The following RERE variants were observed in gnomAD, a reference collection of about 807,000 sequenced individuals.
RERE encodes the protein arginine-glutamic acid dipeptide repeats.
In RERE, 40 loss-of-function variants were observed where a neutral mutation model predicts 146.1. That is an observed-to-expected ratio of 0.27 (90% CI 0.21 to 0.36). RERE has a LOEUF of 0.36. RERE is among the 10% of genes least tolerant of loss of function. The probability of loss-of-function intolerance (pLI) is 1.00; values close to 1 mark genes in which losing one functional copy is unlikely to be tolerated. For synonymous variants in RERE, 1,003 were observed against 866.0 expected, an observed-to-expected ratio of 1.16 and a Z score of -2.78; for missense variants, 1,933 against 2,138.7, an observed-to-expected ratio of 0.90 and a Z score of 1.90.
chr1:8,669,968 A>G (rs1182990413), intron 1 of RERE, among the ~76,000 whole-genome samples: 2 of 152,230 alleles, frequency 1.3e-5, no homozygotes, highest in East Asian at 3.8e-4. Flanking sequence ...ATTATATCAA[A>G]GGAAAAATGG....
At chr1:8,424,274 ACCGCGGAAGCTT>A (rs1329323311) in intron 11 of RERE, 1 of 151,964 alleles carries the variant, frequency 6.6e-6, no homozygotes. Context: ...CAACTAAATC[ACCGCGGAAGCTT>A]CCCAGCCAAT....
chr1:8,418,909 T>TCTCCACTGTC (rs1451782508), intron 12 of RERE, among the ~76,000 whole-genome samples: 1 of 152,096 alleles, frequency 6.6e-6, no homozygotes, highest in Non-Finnish European at 1.5e-5. Flanking sequence ...GAGGCCTAGT[T>TCTCCACTGTC]CTCCACTGTC....
intron 1 of RERE, among the ~76,000 whole-genome samples, chr1:8,707,790 G>A (rs984519797): frequency 3.9e-5 from 6 of 152,170 alleles, no homozygotes; most frequent in Admixed American, 3.3e-4. Flanking sequence ...ATGCTAGGGT[G>A]GAGAGGATTT....
intron 4 of RERE, among the ~76,000 whole-genome samples, chr1:8,601,760 CACACACACACACACACAA>C (rs1236333010): frequency 1.3e-5 from 2 of 151,288 alleles, no homozygotes; most frequent in Non-Finnish European, 2.9e-5. Context: ...CACACACACA[CACACACACACACACACAA>C]ACACACACAC....
intron 11 of RERE, among the ~76,000 whole-genome samples, chr1:8,446,500 C>T (rs1158401016): frequency 6.6e-6 from 1 of 152,100 alleles, no homozygotes; most frequent in Non-Finnish European, 1.5e-5. Flanking sequence ...GTGGTGGTCT[C>T]TGTATTTCCT....
intron 10 of RERE, among the ~76,000 whole-genome samples, chr1:8,494,314 G>A (rs529005596): frequency 4.6e-5 from 7 of 152,218 alleles, no homozygotes; most frequent in Non-Finnish European, 7.4e-5. Context: ...TAAATACATG[G>A]TCTCAGAAAC....
At position 8,514,165 on chromosome 1, in the gene RERE, C is replaced by T. The variant is rs145615647; in HGVS notation, c.831-5490G>A. Among the ~76,000 whole-genome samples the T allele has an allele frequency of 4.4e-3, 665 of 152,344 alleles. 2 individuals carry two copies. The highest frequency in any genetic ancestry group is 6.5e-3 in the Non-Finnish European group (445 of 68,038). ...TTTTACTTGAAAGTTCAAATCTTAGCCTTGTCAAATAGTATCAGTGTTTTC... is the reference window on the plus strand; with the variant it reads ...TTTTACTTGAAAGTTCAAATCTTAGTCTTGTCAAATAGTATCAGTGTTTTC... On this transcript the variant is annotated intron_variant, in intron 7 of 22. Coordinates refer to ENST00000400908, the MANE Select transcript of RERE (RefSeq NM_001042681.2).
At chr1:8,649,958 T>A (rs1318419743) in intron 2 of RERE, among the ~76,000 whole-genome samples, 4 of 151,920 alleles carry the variant, frequency 2.6e-5, no homozygotes, top group African/African-American at 9.7e-5. Flanking sequence ...TTGACTAACC[T>A]GGGAGAAAGG....
At chr1:8,614,129 T>C (rs867198297) in intron 4 of RERE, among the ~76,000 whole-genome samples, 7 of 152,170 alleles carry the variant, frequency 4.6e-5, no homozygotes, top group African/African-American at 1.7e-4. Context: ...TTCTGAGCAA[T>C]ACCCTACAAA....
intron 6 of RERE, among the ~76,000 whole-genome samples, chr1:8,552,529 G>A (rs1645948531): frequency 6.6e-6 from 1 of 151,710 alleles, no homozygotes; most frequent in Non-Finnish European, 1.5e-5. Flanking sequence ...ATTTTTAGTA[G>A]TACTGGTTTA....
chr1:8,506,128 A>G (rs892836510), intron 8 of RERE, among the ~76,000 whole-genome samples: 1 of 152,198 alleles, frequency 6.6e-6, no homozygotes, highest in African/African-American at 2.4e-5. Flanking sequence ...ACACAGTGAG[A>G]GGGAAAAAAT....
chr1:8,545,831 G>A (rs1011997739), intron 6 of RERE, among the ~76,000 whole-genome samples: 23 of 150,374 alleles, frequency 1.5e-4, no homozygotes, highest in Middle Eastern at 3.4e-3. Flanking sequence ...TTACAGACGC[G>A]TGCCACCACA....
At chr1:8,697,086 G>C (rs1639348624) in intron 1 of RERE, among the ~76,000 whole-genome samples, 1 of 152,084 alleles carries the variant, frequency 6.6e-6, no homozygotes. Flanking sequence ...AACATATTGA[G>C]AAAGGTGAAT....
At chr1:8,635,966 TC>T (rs1477265600) in intron 2 of RERE, among the ~76,000 whole-genome samples, 52 of 147,470 alleles carry the variant, frequency 3.5e-4, no homozygotes, top group African/African-American at 1.2e-3. Context: ...TCTTATCTTA[TC>T]TTATCTTATC....
chr1:8,421,710 C>G (rs1259223838), intron 12 of RERE, among the ~76,000 whole-genome samples: 1 of 152,076 alleles, frequency 6.6e-6, no homozygotes, highest in Non-Finnish European at 1.5e-5. Context: ...TAAACAACAT[C>G]CAATTAAAAA....
chr1:8,621,582 C>A (rs1283521141), intron 3 of RERE, among the ~76,000 whole-genome samples: 1 of 152,140 alleles, frequency 6.6e-6, no homozygotes, highest in Non-Finnish European at 1.5e-5. Context: ...ATAGTATAAA[C>A]AATGAAACAC....
Position 8,453,808 on chromosome 1 carries a change from C to CG in RERE, c.1203+12116_1203+12117insC, listed in dbSNP as rs533403757. On this transcript the variant is annotated intron_variant, in intron 11 of 22. Coordinates refer to ENST00000400908, the MANE Select transcript of RERE (RefSeq NM_001042681.2). Reference sequence around the variant, plus strand: ...TGGGCAACAGAGCAAGACTCTGTCTCAAAAAAAAATTTTTTTTTAATTCAT... The same window carrying CG: ...TGGGCAACAGAGCAAGACTCTGTCTCGAAAAAAAAATTTTTTTTTAATTCAT... Among the ~76,000 whole-genome samples, 6 of 151,234 alleles carry CG rather than the reference C, an allele frequency of 4.0e-5. No individual in the cohort carries two copies. In the East Asian group the frequency reaches 1.2e-3, roughly 29 times the overall value.
intron 4 of RERE, among the ~76,000 whole-genome samples, chr1:8,573,123 T>C (rs1646242594): frequency 1.3e-5 from 2 of 152,206 alleles, no homozygotes; most frequent in Admixed American, 6.5e-5. Context: ...GCTTTATCTT[T>C]CTTATTTTTC....
chr1:8,459,312 T>A (rs1423258301), intron 11 of RERE, among the ~76,000 whole-genome samples: 1 of 152,210 alleles, frequency 6.6e-6, no homozygotes, highest in Non-Finnish European at 1.5e-5. Flanking sequence ...ACGTGTAATA[T>A]ATCAACATTT....
Sources: allele counts gnomAD v4.1 joint callset (sites outside exome capture counted in the v4.1 genomes callset), GRCh38; gene constraint gnomAD v4.1.1; transcripts MANE v1.5; gene names NCBI Gene and HGNC (gene_info 2026-07-23, HGNC 2026-07-21).